Variants in SDK1 observed in about 807,000 individuals in gnomAD.
SDK1 encodes sidekick cell adhesion molecule 1, also known as protein sidekick-1.
SDK1 carries 157 observed loss-of-function variants against 245.5 expected under a neutral mutation model. The ratio of observed to expected loss-of-function variants is 0.64; its 90% CI spans 0.56 to 0.73. The LOEUF is 0.73. SDK1 is among the 30% of genes least tolerant of loss of function. The pLI is 0.00. For missense variants in SDK1, 3,583 were observed against 3,002.3 expected (o/e 1.19, Z -4.52); for synonymous variants, 1,647 against 1,278.5 (o/e 1.29, Z -6.15).
chr7:3,779,728 C>T (rs527581478), intron 4 of SDK1, among the ~76,000 whole-genome samples: 25 of 151,470 alleles, frequency 1.7e-4, no homozygotes, highest in African/African-American at 5.6e-4. Context: ...GTCAGGAGAT[C>T]GAGACCATCC....
At chr7:3,789,045 C>CATAT (rs1780998095) in intron 4 of SDK1, among the ~76,000 whole-genome samples, 1 of 152,192 alleles carries the variant, frequency 6.6e-6, no homozygotes, top group Non-Finnish European at 1.5e-5. Flanking sequence ...AGAGCTTGAC[C>CATAT]ATATACAAGA....
At chr7:3,570,458 G>C (rs2178625) in intron 1 of SDK1, among the ~76,000 whole-genome samples, 90,363 of 151,884 alleles carry the variant, frequency 0.59, 27,351 homozygotes, top group South Asian at 0.72. Flanking sequence ...GGCTATGGAC[G>C]GGTACCCGTC....
chr7:3,961,997 A>G (rs911294903), intron 8 of SDK1, among the ~76,000 whole-genome samples: 3 of 151,928 alleles, frequency 2.0e-5, no homozygotes, highest in African/African-American at 7.3e-5. Context: ...ACAAACACAC[A>G]CACATACACA....
chr7:3,858,727 G>T (rs540413829), intron 5 of SDK1, among the ~76,000 whole-genome samples: 3 of 151,244 alleles, frequency 2.0e-5, no homozygotes, highest in Admixed American at 6.6e-5. Context: ...TTCCCTATCA[G>T]GTGTCAAAGT....
intron 4 of SDK1, among the ~76,000 whole-genome samples, chr7:3,788,021 G>A (rs1780959358): frequency 6.6e-6 from 1 of 152,182 alleles, no homozygotes; most frequent in African/African-American, 2.4e-5. Context: ...TCTTGGAAGT[G>A]ACTCTGAGAA....
At chr7:3,670,486 G>C (rs954039356) in intron 4 of SDK1, among the ~76,000 whole-genome samples, 1 of 152,150 alleles carries the variant, frequency 6.6e-6, no homozygotes, top group Non-Finnish European at 1.5e-5. Context: ...ACAAGTTCTT[G>C]AACCTATGCA....
chr7:3,584,061 G>C (rs1050441492), intron 1 of SDK1, among the ~76,000 whole-genome samples: 1 of 152,194 alleles, frequency 6.6e-6, no homozygotes, highest in Admixed American at 6.5e-5. Context: ...TTTGAAGTTT[G>C]TACAGCAGGG....
intron 2 of SDK1, among the ~76,000 whole-genome samples, chr7:3,623,835 T>A (rs1782025166): frequency 6.6e-6 from 1 of 152,180 alleles, no homozygotes; most frequent in Non-Finnish European, 1.5e-5. Flanking sequence ...CTCCTAAAAA[T>A]TTTATAGTTT....
At chr7:3,815,912 A>G (rs1440917178) in intron 4 of SDK1, among the ~76,000 whole-genome samples, 3 of 145,808 alleles carry the variant, frequency 2.1e-5, no homozygotes, top group South Asian at 4.4e-4. Context: ...ACCACAGTGC[A>G]ATCAAACTAG....
At chr7:3,520,679 C>T (rs553093170) in intron 1 of SDK1, among the ~76,000 whole-genome samples, 19 of 152,212 alleles carry the variant, frequency 1.2e-4, no homozygotes, top group Admixed American at 3.3e-4. Context: ...AAAACTGAAA[C>T]ATTAAGTCTG....
chr7:3,378,793 C>T (rs1346064388), intron 1 of SDK1, among the ~76,000 whole-genome samples: 1 of 151,806 alleles, frequency 6.6e-6, no homozygotes, highest in African/African-American at 2.4e-5. Context: ...GCAGGGTATT[C>T]ACTCTGCTGC....
chr7:3,373,949 G>T (rs1463011038), intron 1 of SDK1, among the ~76,000 whole-genome samples: 1 of 152,098 alleles, frequency 6.6e-6, no homozygotes, highest in African/African-American at 2.4e-5. Flanking sequence ...CTTTAAAGAG[G>T]ATCTTTAAAA....
chr7:4,165,809 C>T (rs1487436794), intron 32 of SDK1, among the ~76,000 whole-genome samples: 1 of 149,752 alleles, frequency 6.7e-6, no homozygotes, highest in Non-Finnish European at 1.5e-5. Flanking sequence ...CTTTTAAAGA[C>T]AGGGTCTTTC....
At chr7:3,726,320 C>A (rs183227056) in intron 4 of SDK1, among the ~76,000 whole-genome samples, 1 of 152,142 alleles carries the variant, frequency 6.6e-6, no homozygotes, top group African/African-American at 2.4e-5. Flanking sequence ...GTGTGAAGAA[C>A]GAAGTTAGTG....
intron 4 of SDK1, among the ~76,000 whole-genome samples, chr7:3,718,434 G>A (rs987785235): frequency 2.0e-5 from 3 of 151,638 alleles, no homozygotes; most frequent in Non-Finnish European, 4.4e-5. Context: ...CTTGAGCCCC[G>A]GAGGTTGAGG....
chr7:3,587,797 A>G (rs919625859), intron 1 of SDK1, among the ~76,000 whole-genome samples: 1 of 152,238 alleles, frequency 6.6e-6, no homozygotes, highest in Non-Finnish European at 1.5e-5. Context: ...AGTGTTATCT[A>G]GCTTTCCATG....
chr7:3,603,097 G>T (rs1198015881), intron 1 of SDK1, among the ~76,000 whole-genome samples: 1 of 151,306 alleles, frequency 6.6e-6, no homozygotes, highest in Non-Finnish European at 1.5e-5. Flanking sequence ...TTGTAGTATA[G>T]TTTGAAGTCA....
At chr7:3,600,497 G>C (rs1204776481) in intron 1 of SDK1, among the ~76,000 whole-genome samples, 2 of 149,356 alleles carry the variant, frequency 1.3e-5, no homozygotes, top group Non-Finnish European at 3.0e-5. Context: ...TCATTACCAA[G>C]TTTACGGAAA....
intron 5 of SDK1, among the ~76,000 whole-genome samples, chr7:3,933,980 T>G (rs540321499): frequency 6.6e-6 from 1 of 152,298 alleles, no homozygotes; most frequent in Non-Finnish European, 1.5e-5. Context: ...CTGTTTGGTG[T>G]TGTTCCTGTT....
Sources: gnomAD v4.1 joint callset for allele counts (sites outside exome capture counted in the v4.1 genomes callset) on GRCh38, gnomAD v4.1.1 for gene constraint, MANE v1.5 for transcripts, NCBI Gene and HGNC (gene_info 2026-07-23, HGNC 2026-07-21) for gene names.